The following GNG4 variants were observed in gnomAD, a reference collection of about 807,000 sequenced individuals.
The protein encoded by GNG4 is G protein subunit gamma 4.
Under a neutral mutation model 5.8 loss-of-function variants are expected in GNG4, and 4 were observed. That is an observed-to-expected ratio of 0.69 (90% confidence interval 0.34 to 1.57). The LOEUF is 1.57. Among genes scored for constraint, GNG4 ranks in the 40% most tolerant of loss-of-function variants. The probability of loss-of-function intolerance (pLI) is 0.06; values close to 1 mark genes in which losing one functional copy is unlikely to be tolerated. For missense variants in GNG4, 96 were observed against 95.1 expected, an observed-to-expected ratio of 1.01 and a Z score of -0.04; for synonymous variants, 29 against 32.9, an observed-to-expected ratio of 0.88 and a Z score of 0.41.
chr1:235,632,927 G>A (rs1365224812), intron 1 of GNG4, among the ~76,000 whole-genome samples: 1 of 152,182 alleles, frequency 6.6e-6, no homozygotes, highest in African/African-American at 2.4e-5. Flanking sequence ...AAAGAGGAAG[G>A]AAGAACTAAT....
intron 1 of GNG4, among the ~76,000 whole-genome samples, chr1:235,623,637 G>A (rs1354707568): frequency 2.0e-5 from 3 of 152,180 alleles, no homozygotes; most frequent in African/African-American, 7.2e-5. Context: ...TGTCTGGTGA[G>A]CACCTATTCC....
chr1:235,643,615 C>T (rs945979215), intron 1 of GNG4, among the ~76,000 whole-genome samples: 4 of 152,154 alleles, frequency 2.6e-5, no homozygotes, highest in African/African-American at 4.8e-5. Context: ...ATGCAGTCTT[C>T]GATGAACACA....
At chr1:235,575,086 A>C (rs1687444420) in intron 3 of GNG4, among the ~76,000 whole-genome samples, 1 of 152,114 alleles carries the variant, frequency 6.6e-6, no homozygotes, top group Admixed American at 6.5e-5. Flanking sequence ...CGGACTCCCA[A>C]AGTGGTGGAG....
chr1:235,569,536 T>G (rs191167187), intron 3 of GNG4, among the ~76,000 whole-genome samples: 1,752 of 152,010 alleles, frequency 0.012, 12 homozygotes, highest in African/African-American at 0.014. Context: ...TTCTTTTTTT[T>G]TTGTTGTTTT....
intron 3 of GNG4, among the ~76,000 whole-genome samples, chr1:235,556,005 T>C (rs968236235): frequency 6.6e-6 from 1 of 151,930 alleles, no homozygotes; most frequent in East Asian, 2.0e-4. Context: ...TAGCTGGGGT[T>C]ACAGGCTCCT....
At chr1:235,605,955 T>TG (rs537694980) in intron 1 of GNG4, among the ~76,000 whole-genome samples, 21,693 of 104,024 alleles carry the variant, frequency 0.21, 1,935 homozygotes, top group Non-Finnish European at 0.23. Context: ...ATTGAGAGTG[T>TG]GGGGGGGTGG....
upstream of GNG4, chr1:235,649,868 G>A (rs1440283489): frequency 1.4e-5 from 2 of 147,090 alleles, no homozygotes; most frequent in African/African-American, 2.5e-5. This position sits in a 1 kb window ranked among gnomAD's most constrained non-coding sequence, Gnocchi z 5.7. Flanking sequence ...GCCCGACCAC[G>A]CGGGCCTGGG....
chr1:235,566,838 T>C (rs376391330), intron 3 of GNG4: 2 of 152,272 alleles, frequency 1.3e-5, no homozygotes, highest in Admixed American at 6.5e-5. Flanking sequence ...TGAAGCCCTC[T>C]AGCACAGCAG....
At chr1:235,608,936 G>A (rs1279153371) in intron 1 of GNG4, among the ~76,000 whole-genome samples, 19 of 151,958 alleles carry the variant, frequency 1.3e-4, no homozygotes, top group Admixed American at 1.1e-3. Flanking sequence ...CACCCGCCTC[G>A]GCCTCCTAAA....
At chr1:235,553,093 C>T (rs985883843) in intron 3 of GNG4, among the ~76,000 whole-genome samples, 2 of 152,172 alleles carry the variant, frequency 1.3e-5, no homozygotes, top group Non-Finnish European at 2.9e-5. Flanking sequence ...GGCCACTTCC[C>T]TGCGGAGAGA....
chr1:235,579,930 C>G (rs1191581101), intron 3 of GNG4, among the ~76,000 whole-genome samples: 1 of 151,456 alleles, frequency 6.6e-6, no homozygotes, highest in Admixed American at 6.6e-5. Flanking sequence ...CCCAAAGGAA[C>G]CAAAGTAAAG....
At chr1:235,574,745 T>C (rs1687433057) in intron 3 of GNG4, among the ~76,000 whole-genome samples, 1 of 152,178 alleles carries the variant, frequency 6.6e-6, no homozygotes, top group Non-Finnish European at 1.5e-5. Context: ...CTTTCTCTTT[T>C]TCTGTTTTCT....
intron 1 of GNG4, among the ~76,000 whole-genome samples, chr1:235,617,139 T>C (rs1688607811): frequency 6.6e-6 from 1 of 152,102 alleles, no homozygotes; most frequent in Non-Finnish European, 1.5e-5. Flanking sequence ...GGTGAATCCA[T>C]AGTTTGGGGC....
intron 1 of GNG4, among the ~76,000 whole-genome samples, chr1:235,636,935 C>G (rs1347565666): frequency 1.3e-5 from 2 of 152,010 alleles, no homozygotes; most frequent in Non-Finnish European, 2.9e-5. Flanking sequence ...CCTTGCTCCT[C>G]TAGGCACCTT....
chr1:235,552,683 A>G (rs1411949098), intron 3 of GNG4, among the ~76,000 whole-genome samples: 1 of 152,250 alleles, frequency 6.6e-6, no homozygotes, highest in Non-Finnish European at 1.5e-5. Context: ...ACCAACACAG[A>G]GAGACACTTC....
chr1:235,630,763 A>C (rs939541671), intron 1 of GNG4, among the ~76,000 whole-genome samples: 1 of 152,208 alleles, frequency 6.6e-6, no homozygotes, highest in African/African-American at 2.4e-5. Context: ...GTTAGAAAAT[A>C]ATCAATTGGG....
chr1:235,593,793 G>A (rs1205286563), intron 2 of GNG4, among the ~76,000 whole-genome samples: 1 of 152,112 alleles, frequency 6.6e-6, no homozygotes. Flanking sequence ...TGGTCTCGCT[G>A]GCTTCAGGAG....
chr1:235,554,625 C>T (rs2102910127), intron 3 of GNG4, among the ~76,000 whole-genome samples: 1 of 152,218 alleles, frequency 6.6e-6, no homozygotes, highest in South Asian at 2.1e-4. Flanking sequence ...GGGTGGATCG[C>T]CTGAGGTCAG....
intron 2 of GNG4, among the ~76,000 whole-genome samples, chr1:235,592,313 C>T (rs1687985248): frequency 1.3e-5 from 2 of 152,308 alleles, no homozygotes; most frequent in African/African-American, 4.8e-5. Flanking sequence ...CGAGGCCAGC[C>T]TGGCCAACAT....
Sources: gnomAD v4.1 joint callset for allele counts (sites outside exome capture counted in the v4.1 genomes callset) on GRCh38, gnomAD v4.1.1 for gene constraint, Gnocchi (gnomAD v3.1) non-coding constraint, MANE v1.5 for transcripts, NCBI Gene and HGNC (gene_info 2026-07-23, HGNC 2026-07-21) for gene names.